NOTCH3: variants seen among roughly 807,000 people sequenced by gnomAD.
NOTCH3 encodes the protein notch receptor 3.
A neutral mutation model predicts 213.3 loss-of-function variants in NOTCH3; 86 were observed. The observed-to-expected ratio is 0.40, with a 90% CI of 0.34 to 0.48. The LOEUF (loss-of-function observed/expected upper bound fraction) is 0.48, where lower values mean the gene tolerates loss of function less well. NOTCH3 is among the 20% of genes least tolerant of loss of function. The pLI is 0.57. For missense variants in NOTCH3, 2,783 were observed against 3,272.6 expected (o/e 0.85, Z 3.65); for synonymous variants, 1,354 against 1,355.9 (o/e 1.00, Z 0.03).
intron 2 of NOTCH3, 73 bp downstream of exon 2, chr19:15,197,427 G>T: frequency 7.9e-7 from 1 of 1,259,780 alleles, no homozygotes; most frequent in Non-Finnish European, 1.1e-6. Flanking sequence ...AGAGGCAGAG[G>T]GAGAAGACAA....
intron 6 of NOTCH3, 43 bp from the exon 7 acceptor site, chr19:15,189,471 C>T: frequency 3.1e-6 from 5 of 1,610,328 alleles, no homozygotes; most frequent in Non-Finnish European, 4.2e-6. Context: ...TCTTCCTGCT[C>T]TGCCCAAAAG....
Position 15,177,521 on chromosome 19 carries a change from T to C in NOTCH3, c.4403+4A>G, listed in dbSNP as rs2145414215. 1 of 1,607,396 alleles carries C rather than the reference T, an allele frequency of 6.2e-7. No individual in the cohort carries two copies. The highest frequency in any genetic ancestry group is 8.5e-7 in the Non-Finnish European group (1 of 1,177,518). The stretch of plus-strand genomic sequence containing the variant: ...AGACGGATCGATCGGGTGGATGGGC[T>C]CACTTGCAAGTGCGCTCGCGGCCAC... On this transcript the variant is annotated splice_donor_region_variant and intron_variant, in intron 24 of 32. Coordinates refer to ENST00000263388, the MANE Select transcript of NOTCH3 (RefSeq NM_000435.3).
At position 15,170,547 on chromosome 19, in the gene NOTCH3, G is replaced by A. The variant is rs375474414; in HGVS notation, c.4898C>T (p.Pro1633Leu). Residue 1633 changes from proline to leucine, a missense_variant, in exon 27 of 33, where the codon CCG becomes CTG. By Grantham distance (98) the Pro-to-Leu change is moderately conservative (BLOSUM62 -3). Transcript: ENST00000263388. Reference sequence around the variant, plus strand: ...GACGCTGGGTTCTGGAGGCTCCAGCGGCTCCCCTAAGAGCAGGAAGCAGAG... The same window carrying A: ...GACGCTGGGTTCTGGAGGCTCCAGCAGCTCCCCTAAGAGCAGGAAGCAGAG... The part of the protein sequence containing the change: ...PYPLRDVRGE[P>L]LEPPEPSVPL... The A allele has an allele frequency of 1.9e-6, 3 of 1,608,736 alleles. No homozygotes were observed. The highest frequency in any genetic ancestry group is 2.7e-5 in the African/African-American group (2 of 74,916).
rs1177920380 is a variant in NOTCH3, at chr19:15,181,135, C to T, written c.2820G>A (p.Val940=). ...PSSCFNGGTC[V]DGVNSFSCLC... is the part of the protein sequence containing the mutation. The stretch of plus-strand genomic sequence containing the variant: ...GGCAGCTGAACGAGTTCACGCCGTC[C>T]ACACAGGTCCCGCCATTGAAGCAGG... The change falls in exon 18 of 33, where the codon GTG becomes GTA. Residue 940 remains valine (V), a synonymous_variant. Coordinates refer to ENST00000263388, the MANE Select transcript of NOTCH3 (RefSeq NM_000435.3). 1 of 1,607,438 alleles carries T rather than the reference C, an allele frequency of 6.2e-7. No homozygotes were observed. The highest frequency in any genetic ancestry group is 1.7e-5 in the Admixed American group (1 of 59,320).
intron 24 of NOTCH3, among the ~76,000 whole-genome samples, chr19:15,175,333 GGC>G (rs1252412363): frequency 0.15 from 21,590 of 140,356 alleles, 2,875 homozygotes; most frequent in African/African-American, 0.34. Context: ...AGGAGTTCTA[GGC>G]CAGCCTGGCC....
At chr19:15,178,576 G>T (rs2046811670) in intron 23 of NOTCH3, 4 of 566,172 alleles carry the variant, frequency 7.1e-6, no homozygotes, top group Non-Finnish European at 9.5e-6. Flanking sequence ...GTAGAGACGG[G>T]GTTTCACCAT....
In NOTCH3 at chr19:15,161,221, G is replaced by C; in HGVS notation, c.6407C>G (p.Ser2136Cys). The stretch of plus-strand genomic sequence containing the variant: ...GCCTGGGCCACCAAGCTGTGCCAGA[G>C]ACACTGCAGTGGCAGTGGCAGCTGC... ...PYAAATATAV[S>C]LAQLGGPGRA... Residue 2136 changes from serine (S) to cysteine (C), a missense_variant, in exon 33 of 33, where the codon TCT becomes TGT. Ser to Cys is a moderately radical substitution (Grantham distance 112). Coordinates refer to ENST00000263388, the MANE Select transcript of NOTCH3 (RefSeq NM_000435.3). 2 of 1,547,048 alleles carry C rather than the reference G, an allele frequency of 1.3e-6. No individual in the cohort carries two copies. The highest frequency in any genetic ancestry group is 1.7e-6 in the Non-Finnish European group (2 of 1,151,706).
chr19:15,163,293 G>A lies in NOTCH3; in HGVS notation c.5816-731C>T, dbSNP rs75522237. ...AATGGTCTTCTCAACTAATGGTGCT[G>A]GAACAACTGAATATTCACATTCAAA... On this transcript the variant is annotated intron_variant, in intron 31 of 32. Transcript: ENST00000263388. Among the ~76,000 whole-genome samples, 158 of 152,238 alleles carry A rather than the reference G, an allele frequency of 1.0e-3. 2 individuals carry two copies. The East Asian group carries it at 0.029, about 28-fold the overall frequency.
chr19:15,173,990 A>G, intron 25 of NOTCH3, 78 bp downstream of exon 25: 1 of 1,277,816 alleles, frequency 7.8e-7, no homozygotes, highest in Non-Finnish European at 1.1e-6. Flanking sequence ...ATTAAGTGAA[A>G]TGAAACACAC....
Position 15,180,747 on chromosome 19 carries a change from G to T in NOTCH3, c.3076C>A (p.Pro1026Thr). ...VQTGAYCLCP[P>T]GWSGRLCDIR... ...TCACAGAGGCGTCCGCTCCATCCAG[G>T]GGGACAAAGGCAATAGGCCCCAGTC... The change falls in exon 19 of 33, where the codon CCT becomes ACT. Residue 1026 changes from proline to threonine, a missense_variant. Physicochemically the swap from Pro to Thr is conservative, Grantham distance 38 (BLOSUM62 -1). Around this residue, in one of 6 missense-constraint regions of NOTCH3, gnomAD observed 861 missense variants for 909.1 expected, o/e 0.95. Coordinates refer to ENST00000263388, the MANE Select transcript of NOTCH3 (RefSeq NM_000435.3). 1 of 1,591,536 alleles carries T rather than the reference G, an allele frequency of 6.3e-7. No individual in the cohort carries two copies.
At chr19:15,173,846 C>T (rs1347689652) in intron 25 of NOTCH3, among the ~76,000 whole-genome samples, 1 of 152,178 alleles carries the variant, frequency 6.6e-6, no homozygotes, top group Non-Finnish European at 1.5e-5. Flanking sequence ...TGCCAAGCCA[C>T]TTAGCAACCT....
At position 15,161,299 on chromosome 19, in the gene NOTCH3, G is replaced by A; in HGVS notation, c.6329C>T (p.Pro2110Leu). ...SPVDSLDSPR[P>L]FGGPPASPGG... The stretch of plus-strand genomic sequence containing the variant: ...AGGGGAAGCAGGGGGCCCACCGAAA[G>A]GCCGCGGGGAGTCCAGCGAGTCCAC... Residue 2110 changes from proline to leucine, a missense_variant, in exon 33 of 33, where the codon CCT (proline) becomes CTT (leucine). Pro to Leu is a moderately conservative substitution (Grantham distance 98, BLOSUM62 -3). This residue lies in a region of NOTCH3 where 441 missense variants were observed against 432.1 expected (regional missense o/e 1.02). Transcript: ENST00000263388. 1 of 1,528,926 alleles carries A rather than the reference G, an allele frequency of 6.5e-7. No homozygotes were observed. Among genetic ancestry groups the A allele is most frequent in the Non-Finnish European group, 8.8e-7 (1 of 1,140,572 alleles). 94.7% of individuals were successfully genotyped at this position (1,528,926 alleles called of 1,614,324 possible). A position where few individuals can be genotyped will look rare whatever the true frequency, so the allele number is the denominator to read the frequency against.
At position 15,179,141 on chromosome 19, in the gene NOTCH3, C is replaced by G. The variant is rs778635935; in HGVS notation, c.3602G>C (p.Arg1201Pro). ...ACACTCATTGATGTCTGCCTCGCAG[C>G]GCAAACCAGTGTATCCTGGGGGACA... ...CTCPPGYTGL[R>P]CEADINECRS... Residue 1201 changes from arginine (R) to proline (P), a missense_variant, in exon 22 of 33, where the codon CGC becomes CCC. Physicochemically the swap from Arg to Pro is moderately radical, Grantham distance 103 (BLOSUM62 -2). Transcript: ENST00000263388. The G allele has an allele frequency of 6.2e-7, 1 of 1,614,170 alleles. No homozygotes were observed. Among genetic ancestry groups the G allele is most frequent in the South Asian group, 1.1e-5 (1 of 91,092 alleles).
In NOTCH3 at chr19:15,177,772, G is replaced by A. The variant is rs957931021; in HGVS notation, c.4156C>T (p.Arg1386Trp). Residue 1386 changes from arginine to tryptophan, a missense_variant, in exon 24 of 33, where the codon CGG (arginine) becomes TGG (tryptophan). Physicochemically the swap from Arg to Trp is moderately radical, Grantham distance 101. This residue lies in a region of NOTCH3 where 133 missense variants were observed against 201.9 expected (regional missense o/e 0.66). Coordinates refer to ENST00000263388, the MANE Select transcript of NOTCH3 (RefSeq NM_000435.3). ...AAAPEVSEEP[R>W]CPRAACQAKR... The stretch of plus-strand genomic sequence containing the variant: ...GCCTGGCAGGCGGCGCGCGGGCACC[G>A]CGGCTCCTCCGAGACCTCGGGTGCC... 2 of 1,357,934 alleles carry A rather than the reference G, an allele frequency of 1.5e-6. No homozygotes were observed. The highest frequency in any genetic ancestry group is 1.9e-6 in the Non-Finnish European group (2 of 1,064,306). 84.1% of individuals were successfully genotyped at this position (1,357,934 alleles called of 1,614,324 possible).
intron 16 of NOTCH3, among the ~76,000 whole-genome samples, chr19:15,182,446 G>T (rs2145425167): frequency 6.6e-6 from 1 of 151,818 alleles, no homozygotes; most frequent in South Asian, 2.1e-4. Flanking sequence ...GGTCAAGGCT[G>T]CAGTGAGTCA....
At position 15,181,639 on chromosome 19, in the gene NOTCH3, C is replaced by T. The variant is rs1399374524; in HGVS notation, c.2729G>A (p.Cys910Tyr). 7.1e-6 allele frequency: 11 copies of T among 1,551,674 alleles called. No individual in the cohort carries two copies. The highest frequency in any genetic ancestry group is 9.6e-6 in the Non-Finnish European group (11 of 1,147,416). Residue 910 changes from cysteine to tyrosine, a missense_variant, in exon 17 of 33, where the codon TGC (cysteine) becomes TAC (tyrosine). This residue lies in a region of NOTCH3 where 861 missense variants were observed against 909.1 expected (regional missense o/e 0.95). Coordinates refer to ENST00000263388, the MANE Select transcript of NOTCH3 (RefSeq NM_000435.3). ...GCCTCCGTAGCCTGGCGGGCAGGTG[C>T]AGGTGAAGGAGGCCACGTGGTCGGT... ...TCTDHVASFT[C>Y]TCPPGYGGFH...
rs965829413 is a variant in NOTCH3, at chr19:15,189,101, G to T, written c.1266C>A (p.Gly422=). 2 of 1,613,276 alleles carry T rather than the reference G, an allele frequency of 1.2e-6. No individual in the cohort carries two copies. The highest frequency in any genetic ancestry group is 8.5e-7 in the Non-Finnish European group (1 of 1,180,034). ...CGGTCTCACAGCGAGGTCCAGTGTA[G>T]CCACGACCGCACTGGCACAGGAAGG... is the stretch of plus-strand genomic sequence containing the variant. ...QGSFLCQCGR[G]YTGPRCETDV... The change falls in exon 8 of 33, where the codon GGC becomes GGA. Residue 422 remains glycine, a synonymous_variant. Transcript: ENST00000263388.
intron 23 of NOTCH3, chr19:15,178,550 A>C: frequency 2.0e-6 from 1 of 503,548 alleles, no homozygotes; most frequent in Non-Finnish European, 3.6e-6. Context: ...ACGCCCGGCT[A>C]ATTTTTATAT....
intron 28 of NOTCH3, 122 bp downstream of exon 28, chr19:15,169,964 G>A (rs2046716972): frequency 1.5e-6 from 1 of 661,682 alleles, no homozygotes; most frequent in Non-Finnish European, 2.8e-6. Context: ...ATTCTCTGGA[G>A]CTAGGGAGGT....
Sources: allele counts gnomAD v4.1 joint callset (sites outside exome capture counted in the v4.1 genomes callset), GRCh38; gene constraint gnomAD v4.1.1; regional missense constraint gnomAD v4.1.1; transcripts MANE v1.5; gene names NCBI Gene and HGNC (gene_info 2026-07-23, HGNC 2026-07-21).